Variants in SRGAP1 observed in about 807,000 individuals in gnomAD.
SRGAP1 encodes the protein SLIT-ROBO Rho GTPase activating protein 1.
In SRGAP1, 43 loss-of-function variants were observed where a neutral mutation model predicts 121.9. The ratio of observed to expected loss-of-function variants is 0.35; its 90% CI spans 0.28 to 0.46. The LOEUF (loss-of-function observed/expected upper bound fraction) is 0.46, where lower values mean the gene tolerates loss of function less well. SRGAP1 is among the 20% of genes least tolerant of loss of function. SRGAP1 has a pLI of 1.00. For missense variants in SRGAP1, 1,102 were observed against 1,350.9 expected, an observed-to-expected ratio of 0.82 and a Z score of 2.89; for synonymous variants, 447 against 485.4, an observed-to-expected ratio of 0.92 and a Z score of 1.04.
intron 9 of SRGAP1, 29 bp from the exon 10 acceptor site, chr12:64,080,257 G>C (rs2035813161): frequency 5.4e-6 from 8 of 1,476,144 alleles, no homozygotes; most frequent in African/African-American, 1.5e-5. Flanking sequence ...AAAAAAAAAA[G>C]ATTTAAAAAT....
At chr12:63,993,560 T>C (rs1283804969) in intron 3 of SRGAP1, among the ~76,000 whole-genome samples, 20 of 152,242 alleles carry the variant, frequency 1.3e-4, no homozygotes, top group Admixed American at 1.3e-3. Context: ...TCCCCATGTC[T>C]GTATGGAGAT....
intron 2 of SRGAP1, among the ~76,000 whole-genome samples, chr12:63,984,747 G>A (rs2033366454): frequency 1.3e-5 from 2 of 152,184 alleles, no homozygotes; most frequent in Admixed American, 1.3e-4. Flanking sequence ...CAGGTGGGGT[G>A]GCTCATACCT....
At chr12:64,141,579 TG>T (rs991550008) in intron 21 of SRGAP1, among the ~76,000 whole-genome samples, 37 of 151,494 alleles carry the variant, frequency 2.4e-4, no homozygotes, top group African/African-American at 6.8e-4. Context: ...GACTGCATCT[TG>T]GGGGGGGAAA....
rs558248193 is a variant in SRGAP1 at position 64,044,674 on chromosome 12, C to CTTTTTTTTTT, written c.801+1115_801+1124dup. Among the ~76,000 whole-genome samples the CTTTTTTTTTT allele has an allele frequency of 1.7e-3, 122 of 72,116 alleles. 11 individuals are homozygous for CTTTTTTTTTT. Among genetic ancestry groups the CTTTTTTTTTT allele is most frequent in the Middle Eastern group, 8.1e-3 (1 of 124 alleles). The allele number at this position is 72,116 out of a possible 152,430, so 47.3% of individuals were successfully genotyped here. On this transcript the variant is annotated intron_variant, in intron 6 of 21. Coordinates refer to ENST00000355086, the MANE Select transcript of SRGAP1 (RefSeq NM_020762.4). ...AGCTTATTAACACTCTGATGTGCCT[C>CTTTTTTTTTT]TTTTTTTTTTTTTTTTTTTTTTTTT...
chr12:63,887,715 C>CAGA (rs1900437584), intron 1 of SRGAP1: 1 of 152,260 alleles, frequency 6.6e-6, no homozygotes, highest in Non-Finnish European at 1.5e-5. Flanking sequence ...CCCCGGGAAT[C>CAGA]ATGTGCTGTT....
intron 16 of SRGAP1, among the ~76,000 whole-genome samples, chr12:64,111,297 G>T (rs2136615590): frequency 6.6e-6 from 1 of 152,244 alleles, no homozygotes; most frequent in South Asian, 2.1e-4. Flanking sequence ...TAGTTACAAA[G>T]AAAAGGTTCT....
chr12:63,922,528 C>G lies in SRGAP1; in HGVS notation c.68-61419C>G, dbSNP rs914584203. Among the ~76,000 whole-genome samples, 6 of 152,328 alleles carry G rather than the reference C, an allele frequency of 3.9e-5. No homozygotes were observed. In the East Asian group the frequency reaches 1.2e-3, roughly 29 times the overall value. On this transcript the variant is annotated intron_variant, in intron 1 of 21. Transcript: ENST00000355086. ...TTTCAAGTATTCAGACAGACAAAGT[C>G]TTAGTTCTTTACCATGGTAGACTAG...
In SRGAP1 at chr12:64,011,607, A is replaced by T. The variant is rs146864514; in HGVS notation, c.427-5343A>T. Reference sequence around the variant, plus strand: ...TAAAACATATTGGTGAAATTGAATAAAGAAATAAATGATTGACTAGTTGGT... The same window carrying T: ...TAAAACATATTGGTGAAATTGAATATAGAAATAAATGATTGACTAGTTGGT... On this transcript the variant is annotated intron_variant, in intron 3 of 21. Transcript: ENST00000355086. Among the ~76,000 whole-genome samples the T allele has an allele frequency of 1.1e-3, 169 of 152,270 alleles. 1 individual carries two copies. Among genetic ancestry groups the T allele is most frequent in the African/African-American group, 3.7e-3 (152 of 41,528 alleles).
intron 1 of SRGAP1, among the ~76,000 whole-genome samples, chr12:63,934,107 A>G (rs562128238): frequency 6.6e-6 from 1 of 151,976 alleles, no homozygotes; most frequent in Non-Finnish European, 1.5e-5. Context: ...TAACTTTCCT[A>G]AGAGTGAAAA....
chr12:64,142,475 G>A lies in SRGAP1; in HGVS notation c.3061G>A (p.Glu1021Lys), dbSNP rs761572950. 5.6e-6 allele frequency: 9 copies of A among 1,613,940 alleles called. No homozygotes were observed. Among genetic ancestry groups the A allele is most frequent in the Admixed American group, 5.0e-5 (3 of 60,000 alleles). ...PLHNVALRSS[E>K]PQIRRSTSSS... is the part of the protein sequence containing the mutation. ...GCACAACGTTGCCCTCAGGAGCTCC[G>A]AGCCTCAGATTCGACGTAGCACGAG... Residue 1021 changes from glutamate (E) to lysine (K), a missense_variant, in exon 22 of 22, where the codon GAG becomes AAG. Physicochemically the swap from Glu to Lys is moderately conservative, Grantham distance 56 (BLOSUM62 1). Transcript: ENST00000355086.
intron 3 of SRGAP1, among the ~76,000 whole-genome samples, chr12:64,011,844 A>T (rs925532617): frequency 1.3e-5 from 2 of 152,166 alleles, no homozygotes; most frequent in Non-Finnish European, 2.9e-5. Context: ...GGCCAAGTGC[A>T]GTGGCTCACA....
At chr12:64,082,778 A>G (rs1334232361) in intron 10 of SRGAP1, among the ~76,000 whole-genome samples, 1 of 152,064 alleles carries the variant, frequency 6.6e-6, no homozygotes, top group Non-Finnish European at 1.5e-5. Flanking sequence ...ATTTTTTTCA[A>G]CGGGCTCTGG....
chr12:64,050,673 G>A (rs543821532), intron 6 of SRGAP1, among the ~76,000 whole-genome samples: 13 of 152,094 alleles, frequency 8.5e-5, no homozygotes, highest in Non-Finnish European at 4.4e-5. Context: ...ATTATGTCTG[G>A]ATGATATGTC....
intron 1 of SRGAP1, among the ~76,000 whole-genome samples, chr12:63,885,246 C>A (rs1900338550): frequency 6.6e-6 from 1 of 152,204 alleles, no homozygotes; most frequent in East Asian, 1.9e-4. Context: ...TTATGACTTT[C>A]CTTTTTTGGT....
intron 3 of SRGAP1, among the ~76,000 whole-genome samples, chr12:64,014,867 A>G (rs1306396457): frequency 1.3e-5 from 2 of 151,962 alleles, no homozygotes; most frequent in African/African-American, 4.8e-5. Flanking sequence ...CCCAGGCTGG[A>G]GTGCAGTGCT....
At chr12:64,082,089 A>T (rs2035858440) in intron 10 of SRGAP1, among the ~76,000 whole-genome samples, 2 of 145,562 alleles carry the variant, frequency 1.4e-5, no homozygotes, top group Non-Finnish European at 3.0e-5. Context: ...CCCAAAGCAT[A>T]AATTATCCTA....
chr12:63,920,316 G>A (rs2030989484), intron 1 of SRGAP1, among the ~76,000 whole-genome samples: 1 of 152,172 alleles, frequency 6.6e-6, no homozygotes, highest in Admixed American at 6.5e-5. Flanking sequence ...AACCATGAAT[G>A]ACTGATGGGT....
At chr12:63,960,805 G>C (rs1207488275) in intron 1 of SRGAP1, among the ~76,000 whole-genome samples, 1 of 152,148 alleles carries the variant, frequency 6.6e-6, no homozygotes, top group African/African-American at 2.4e-5. Flanking sequence ...AGCAGAGATT[G>C]GGGTGTGCTT....
intron 8 of SRGAP1, among the ~76,000 whole-genome samples, chr12:64,071,851 T>C (rs1364088849): frequency 1.3e-5 from 2 of 151,606 alleles, no homozygotes; most frequent in Admixed American, 1.3e-4. Flanking sequence ...GGAATGGTGA[T>C]GTGACATTCC....
Sources: allele counts gnomAD v4.1 joint callset (sites outside exome capture counted in the v4.1 genomes callset), GRCh38; gene constraint gnomAD v4.1.1; transcripts MANE v1.5; gene names NCBI Gene and HGNC (gene_info 2026-07-23, HGNC 2026-07-21).